The following FHIT variants were observed in gnomAD, a reference collection of about 807,000 sequenced individuals.
FHIT encodes the protein fragile histidine triad diadenosine triphosphatase.
In FHIT, 19 loss-of-function variants were observed where a neutral mutation model predicts 17.9. That is an observed-to-expected ratio of 1.06 (90% CI 0.74 to 1.56). The LOEUF is 1.56. FHIT is among the 40% of genes most tolerant of loss of function. FHIT has a pLI of 0.00. For missense variants in FHIT, 248 were observed against 189.2 expected (o/e 1.31, Z -1.82); for synonymous variants, 81 against 69.7 (o/e 1.16, Z -0.81).
chr3:61,117,595 A>G (rs531823093), intron 2 of FHIT, among the ~76,000 whole-genome samples: 1 of 152,296 alleles, frequency 6.6e-6, no homozygotes, highest in Admixed American at 6.5e-5. Context: ...CACCACTAAA[A>G]GCGATACTTA....
At chr3:60,102,321 G>C (rs1704227412) in intron 5 of FHIT, among the ~76,000 whole-genome samples, 1 of 152,218 alleles carries the variant, frequency 6.6e-6, no homozygotes. Context: ...CAGAAGTCCA[G>C]TTAGTGCAGA....
intron 5 of FHIT, among the ~76,000 whole-genome samples, chr3:60,347,614 G>C (rs1345339624): frequency 8.1e-6 from 1 of 124,102 alleles, no homozygotes; most frequent in African/African-American, 3.0e-5. Flanking sequence ...GCCCCGAGAT[G>C]ATTCTCCACT....
rs71287192 is a variant in FHIT, at chr3:60,097,024, T to TA, written c.104-82873dup. Among the ~76,000 whole-genome samples, 892 of 127,220 alleles carry TA rather than the reference T, an allele frequency of 7.0e-3. 19 individuals carry two copies. The highest frequency in any genetic ancestry group is 0.019 in the African/African-American group (661 of 34,496). The allele number at this position is 127,220 out of a possible 152,430, so 83.5% of individuals were successfully genotyped here. A position where few individuals can be genotyped will look rare whatever the true frequency, so the allele number is the denominator to read the frequency against. On this transcript the variant is annotated intron_variant, in intron 5 of 9. Coordinates refer to ENST00000492590, the MANE Select transcript of FHIT (RefSeq NM_002012.4). ...AGTGAGACCCTATCTCTGTTATTAT[T>TA]AAAAAAAAAAAAAAAAAGGAATAGA...
At chr3:60,813,915 C>T (rs991379079) in intron 4 of FHIT, among the ~76,000 whole-genome samples, 2 of 152,132 alleles carry the variant, frequency 1.3e-5, no homozygotes, top group African/African-American at 2.4e-5. Flanking sequence ...CCACTCTAGA[C>T]TTCCTATGCT....
chr3:61,070,225 G>A (rs1425198775), intron 2 of FHIT, among the ~76,000 whole-genome samples: 1 of 152,114 alleles, frequency 6.6e-6, no homozygotes, highest in East Asian at 1.9e-4. Flanking sequence ...CATGGTACCA[G>A]GTACACAGAA....
intron 5 of FHIT, among the ~76,000 whole-genome samples, chr3:60,424,500 A>C (rs1308048644): frequency 1.3e-5 from 2 of 152,118 alleles, no homozygotes; most frequent in Non-Finnish European, 2.9e-5. Flanking sequence ...TCATCTTTAA[A>C]CTTCTACATC....
intron 7 of FHIT, among the ~76,000 whole-genome samples, chr3:59,967,633 G>T (rs914271491): frequency 2.0e-5 from 3 of 152,178 alleles, no homozygotes; most frequent in Non-Finnish European, 4.4e-5. Flanking sequence ...TTTCAGAAGG[G>T]TTGGTGGAAG....
intron 3 of FHIT, among the ~76,000 whole-genome samples, chr3:60,946,096 G>T (rs768581570): frequency 7.2e-5 from 11 of 152,152 alleles, no homozygotes; most frequent in Non-Finnish European, 1.3e-4. Context: ...CATAGCATCT[G>T]AGCTGAGCAA....
At chr3:59,914,559 A>G (rs1264674790) in intron 8 of FHIT, among the ~76,000 whole-genome samples, 1 of 152,198 alleles carries the variant, frequency 6.6e-6, no homozygotes, top group Non-Finnish European at 1.5e-5. Flanking sequence ...ATGACAGGTG[A>G]TAATTTAAAA....
chr3:59,868,977 A>C (rs756489101), intron 8 of FHIT, among the ~76,000 whole-genome samples: 7 of 152,204 alleles, frequency 4.6e-5, no homozygotes, highest in Non-Finnish European at 1.0e-4. Flanking sequence ...TAATTAGGCA[A>C]GCCTGGTTAC....
At chr3:60,549,525 G>A (rs1045514554) in intron 4 of FHIT, among the ~76,000 whole-genome samples, 1 of 152,056 alleles carries the variant, frequency 6.6e-6, no homozygotes, top group African/African-American at 2.4e-5. Flanking sequence ...AAGGCTACGG[G>A]TATGAACTAC....
At chr3:60,956,272 GTAAAAGGA>G (rs1449954641) in intron 3 of FHIT, among the ~76,000 whole-genome samples, 4 of 152,176 alleles carry the variant, frequency 2.6e-5, no homozygotes, top group African/African-American at 9.7e-5. Flanking sequence ...AAGTGTTCAA[GTAAAAGGA>G]TTCTGGATGA....
intron 7 of FHIT, among the ~76,000 whole-genome samples, chr3:59,981,460 GCTCT>G (rs1708651531): frequency 6.6e-6 from 1 of 152,106 alleles, no homozygotes; most frequent in African/African-American, 2.4e-5. Flanking sequence ...CTTGAACTGT[GCTCT>G]CTGATTTCCT....
intron 5 of FHIT, among the ~76,000 whole-genome samples, chr3:60,188,031 G>C (rs1169175255): frequency 6.6e-6 from 1 of 151,988 alleles, no homozygotes; most frequent in Non-Finnish European, 1.5e-5. Flanking sequence ...TCAAAATGAT[G>C]CACCTGTATT....
chr3:60,114,559 T>C (rs192630447), intron 5 of FHIT, among the ~76,000 whole-genome samples: 148 of 133,534 alleles, frequency 1.1e-3, no homozygotes, highest in African/African-American at 4.1e-3. Context: ...GAAGGTGCAA[T>C]CTCAGCTCAC....
In FHIT at chr3:60,392,401, T is replaced by C. The variant is rs138235715; in HGVS notation, c.103+144459A>G. Among the ~76,000 whole-genome samples, 15 of 152,300 alleles carry C rather than the reference T, an allele frequency of 9.8e-5. No individual in the cohort carries two copies. The East Asian group carries it at 2.5e-3, about 25-fold the overall frequency. Reference sequence around the variant, plus strand: ...TTCATTATAAGAATAAATGACACCATGTCGAATATGAAGCCTACAGTGGCA... The same window carrying C: ...TTCATTATAAGAATAAATGACACCACGTCGAATATGAAGCCTACAGTGGCA... On this transcript the variant is annotated intron_variant, in intron 5 of 9. Transcript: ENST00000492590.
chr3:60,875,305 CCT>C (rs1704593462), intron 3 of FHIT, among the ~76,000 whole-genome samples: 1 of 152,184 alleles, frequency 6.6e-6, no homozygotes, highest in Non-Finnish European at 1.5e-5. Context: ...ATTCTACCCA[CCT>C]CTTGGGCTAC....
At chr3:59,988,543 T>C (rs530714081) in intron 7 of FHIT, among the ~76,000 whole-genome samples, 49 of 152,220 alleles carry the variant, frequency 3.2e-4, no homozygotes, top group African/African-American at 1.1e-3. Context: ...ATTTATTCAC[T>C]CAGGTATTTT....
At chr3:59,821,208 A>C (rs1700774924) in intron 8 of FHIT, among the ~76,000 whole-genome samples, 1 of 152,190 alleles carries the variant, frequency 6.6e-6, no homozygotes, top group Admixed American at 6.6e-5. Flanking sequence ...ATTCTGAGAA[A>C]CCCCAACAGT....
Sources: gnomAD v4.1 joint callset for allele counts (sites outside exome capture counted in the v4.1 genomes callset) on GRCh38, gnomAD v4.1.1 for gene constraint, MANE v1.5 for transcripts, NCBI Gene and HGNC (gene_info 2026-07-23, HGNC 2026-07-21) for gene names.